ASTN1: variants seen among roughly 807,000 people sequenced by gnomAD.
ASTN1 encodes the protein astrotactin-1.
In ASTN1, 41 loss-of-function variants were observed where a neutral mutation model predicts 140.7. The observed-to-expected ratio is 0.29, with a 90% CI of 0.23 to 0.38. The LOEUF is 0.38. ASTN1 is among the 10% of genes least tolerant of loss of function. The probability of loss-of-function intolerance (pLI) is 1.00; values close to 1 mark genes in which losing one functional copy is unlikely to be tolerated. For missense variants in ASTN1, 1,479 were observed against 1,678.8 expected (o/e 0.88, Z 2.08); for synonymous variants, 640 against 652.2 (o/e 0.98, Z 0.29).
intron 1 of ASTN1, among the ~76,000 whole-genome samples, chr1:177,129,277 A>T (rs981520979): frequency 2.0e-5 from 3 of 152,216 alleles, no homozygotes; most frequent in African/African-American, 7.2e-5. Flanking sequence ...CCAGGTGAGA[A>T]ACTGGGGACC....
intron 2 of ASTN1, among the ~76,000 whole-genome samples, chr1:177,048,361 C>T (rs911322682): frequency 2.6e-5 from 4 of 152,174 alleles, no homozygotes; most frequent in African/African-American, 7.2e-5. Flanking sequence ...CAGGTCCCAG[C>T]ATTGTTAGTC....
chr1:176,897,976 G>A (rs1166695698), intron 16 of ASTN1, among the ~76,000 whole-genome samples: 1 of 152,112 alleles, frequency 6.6e-6, no homozygotes, highest in East Asian at 1.9e-4. Context: ...ACTAGAGGGC[G>A]CTGCGACCAC....
At chr1:177,035,274 C>T (rs1676656849) in intron 2 of ASTN1, among the ~76,000 whole-genome samples, 1 of 152,142 alleles carries the variant, frequency 6.6e-6, no homozygotes, top group Admixed American at 6.5e-5. Flanking sequence ...TGCAGTCACC[C>T]AGAATGAGCA....
At chr1:177,020,096 C>T (rs1571659650) in intron 7 of ASTN1, among the ~76,000 whole-genome samples, 1 of 152,206 alleles carries the variant, frequency 6.6e-6, no homozygotes, top group African/African-American at 2.4e-5. Context: ...CCATGTTGTC[C>T]AGGCTGATCT....
At chr1:176,886,987 T>G (rs913871739) in intron 18 of ASTN1, among the ~76,000 whole-genome samples, 3 of 152,204 alleles carry the variant, frequency 2.0e-5, no homozygotes, top group Admixed American at 2.0e-4. Context: ...GGCCCTCAGC[T>G]TGGCCAGTTC....
chr1:176,898,447 G>A (rs917336186), intron 16 of ASTN1, among the ~76,000 whole-genome samples: 2 of 152,166 alleles, frequency 1.3e-5, no homozygotes, highest in African/African-American at 4.8e-5. Context: ...GTGTGTGTGA[G>A]GGAGATTTTT....
At chr1:176,876,736 G>T in intron 20 of ASTN1, 99 bp from the exon 21 acceptor site, 2 of 1,152,490 alleles carry the variant, frequency 1.7e-6, no homozygotes, top group Non-Finnish European at 2.5e-6. Flanking sequence ...TGAATGGGTG[G>T]CTATGGACCC....
intron 2 of ASTN1, among the ~76,000 whole-genome samples, chr1:177,058,919 G>C (rs1677942448): frequency 6.6e-6 from 1 of 151,916 alleles, no homozygotes; most frequent in Admixed American, 6.6e-5. Context: ...TTCCTACACT[G>C]AAGATACAAT....
At chr1:177,109,304 C>T (rs1328828124) in intron 1 of ASTN1, among the ~76,000 whole-genome samples, 1 of 152,030 alleles carries the variant, frequency 6.6e-6, no homozygotes, top group Non-Finnish European at 1.5e-5. Context: ...ACTATAAATA[C>T]CTACTAAGAA....
intron 1 of ASTN1, among the ~76,000 whole-genome samples, chr1:177,134,150 C>T (rs1682066900): frequency 6.6e-6 from 1 of 152,204 alleles, no homozygotes; most frequent in Non-Finnish European, 1.5e-5. Context: ...CCCATGCTTC[C>T]AAGGAGCACT....
intron 1 of ASTN1, among the ~76,000 whole-genome samples, chr1:177,138,330 T>C (rs1251195282): frequency 6.6e-6 from 1 of 152,170 alleles, no homozygotes; most frequent in Non-Finnish European, 1.5e-5. Context: ...AGGCCTACAA[T>C]ATAACTGCTG....
intron 2 of ASTN1, among the ~76,000 whole-genome samples, chr1:177,058,820 CACAA>C (rs112134587): frequency 6.4e-4 from 96 of 150,526 alleles, no homozygotes; most frequent in African/African-American, 2.1e-3. Flanking sequence ...CACAAACATA[CACAA>C]ACAAACACAC....
At chr1:177,149,509 AATATATATAGT>A (rs1228980818) in intron 1 of ASTN1, among the ~76,000 whole-genome samples, 11 of 60,788 alleles carry the variant, frequency 1.8e-4, no homozygotes, top group African/African-American at 8.5e-5. Context: ...ATATATAGTA[AATATATATAGT>A]ATATATATAG....
At chr1:177,163,634 T>C (rs1178362065) in intron 1 of ASTN1, among the ~76,000 whole-genome samples, 1 of 152,154 alleles carries the variant, frequency 6.6e-6, no homozygotes. Flanking sequence ...GGTCATTCTG[T>C]GTGCAGGAAT....
intron 16 of ASTN1, among the ~76,000 whole-genome samples, chr1:176,933,244 C>T (rs1424449066): frequency 1.3e-5 from 2 of 152,196 alleles, no homozygotes; most frequent in Non-Finnish European, 2.9e-5. Context: ...GCACCTCAGT[C>T]ACAGAGACAT....
At chr1:176,883,744 G>A (rs1466455992) in intron 19 of ASTN1, among the ~76,000 whole-genome samples, 2 of 152,174 alleles carry the variant, frequency 1.3e-5, no homozygotes, top group African/African-American at 4.8e-5. Context: ...CCATGCATAA[G>A]TTTTTGGGAT....
At chr1:176,869,360 T>C (rs1465353084) in intron 21 of ASTN1, among the ~76,000 whole-genome samples, 2 of 152,284 alleles carry the variant, frequency 1.3e-5, no homozygotes, top group East Asian at 1.9e-4. Context: ...TTTTCTATTC[T>C]ATAAAATAAA....
At chr1:177,116,926 G>A (rs1055435310) in intron 1 of ASTN1, among the ~76,000 whole-genome samples, 3 of 151,962 alleles carry the variant, frequency 2.0e-5, no homozygotes, top group Non-Finnish European at 4.4e-5. Flanking sequence ...AGGGGACCCG[G>A]GCTTCCACTC....
intron 1 of ASTN1, among the ~76,000 whole-genome samples, chr1:177,086,422 A>C (rs1679472239): frequency 6.6e-6 from 1 of 152,222 alleles, no homozygotes; most frequent in African/African-American, 2.4e-5. Flanking sequence ...CAACAATTAA[A>C]GTTTAAACAT....
Sources: gnomAD v4.1 joint callset for allele counts (sites outside exome capture counted in the v4.1 genomes callset) on GRCh38, gnomAD v4.1.1 for gene constraint, MANE v1.5 for transcripts, NCBI Gene and HGNC (gene_info 2026-07-23, HGNC 2026-07-21) for gene names.